Variants in RAD18 observed in about 807,000 individuals in gnomAD.
The protein encoded by RAD18 is RAD18 E3 ubiquitin protein ligase.
In RAD18, 47 loss-of-function variants were observed where a neutral mutation model predicts 60.4. That is an observed-to-expected ratio of 0.78 (90% CI 0.62 to 0.99). The LOEUF is 0.99. RAD18 is among the 50% of genes least tolerant of loss of function. The pLI, the probability that RAD18 is intolerant of heterozygous loss-of-function variation, is 0.00. For synonymous variants in RAD18, 225 were observed against 195.5 expected (o/e 1.15, Z -1.26); for missense variants, 640 against 593.3 (o/e 1.08, Z -0.82).
chr3:8,936,791 A>G (rs1940661060), intron 6 of RAD18, among the ~76,000 whole-genome samples: 2 of 152,214 alleles, frequency 1.3e-5, no homozygotes, highest in Admixed American at 6.5e-5. Context: ...TTTATTTAAA[A>G]CGCAGATTCT....
chr3:8,899,404 C>CA (rs1939859911), intron 10 of RAD18, among the ~76,000 whole-genome samples: 1 of 151,790 alleles, frequency 6.6e-6, no homozygotes, highest in African/African-American at 2.4e-5. Context: ...GAAGTATAAC[C>CA]AAAAAAAGAC....
chr3:8,963,002 A>G (rs1347799826), intron 1 of RAD18, among the ~76,000 whole-genome samples: 1 of 152,238 alleles, frequency 6.6e-6, no homozygotes, highest in Non-Finnish European at 1.5e-5. Flanking sequence ...TTAGTGCTTG[A>G]CACAAAGTAA....
At chr3:8,917,411 G>A (rs770763905) in intron 7 of RAD18, among the ~76,000 whole-genome samples, 17 of 152,124 alleles carry the variant, frequency 1.1e-4, no homozygotes, top group South Asian at 4.1e-4. Context: ...CTTTTTTCTC[G>A]TTTTTAACTA....
chr3:8,927,866 C>T (rs1487542509), intron 7 of RAD18, among the ~76,000 whole-genome samples: 1 of 150,000 alleles, frequency 6.7e-6, no homozygotes, highest in Non-Finnish European at 1.5e-5. Context: ...ACAATGACAA[C>T]ACTTGGACAC....
intron 7 of RAD18, among the ~76,000 whole-genome samples, chr3:8,935,164 C>T (rs1189069633): frequency 2.0e-5 from 3 of 152,108 alleles, no homozygotes; most frequent in African/African-American, 7.2e-5. Flanking sequence ...GATAATTCAC[C>T]AAACAATACA....
At chr3:8,885,684 G>T (rs1939548610) in intron 12 of RAD18, among the ~76,000 whole-genome samples, 1 of 152,206 alleles carries the variant, frequency 6.6e-6, no homozygotes, top group Non-Finnish European at 1.5e-5. Flanking sequence ...GATTTAGGGT[G>T]AATGTGTGGA....
intron 7 of RAD18, among the ~76,000 whole-genome samples, chr3:8,925,536 A>C (rs1158253106): frequency 6.6e-6 from 1 of 152,248 alleles, no homozygotes; most frequent in East Asian, 1.9e-4. Context: ...ATAGAAAAAA[A>C]GAGAATCCTC....
chr3:8,958,819 A>T (rs539824141), intron 2 of RAD18, 101 bp downstream of exon 2: 1 of 914,898 alleles, frequency 1.1e-6, no homozygotes, highest in African/African-American at 1.6e-5. Flanking sequence ...AGAAGAGCTA[A>T]AGGTGAAACA....
In RAD18 at chr3:8,934,202, CAA is replaced by C. The variant is rs45456492; in HGVS notation, c.889+1667_889+1668del. Among the ~76,000 whole-genome samples, 1,131 of 152,126 alleles carry C rather than the reference CAA, an allele frequency of 7.4e-3. 17 individuals carry two copies. Among genetic ancestry groups the C allele is most frequent in the African/African-American group, 0.026 (1,066 of 41,500 alleles). On this transcript the variant is annotated intron_variant, in intron 7 of 12. Coordinates refer to ENST00000264926, the MANE Select transcript of RAD18 (RefSeq NM_020165.4). ...AGAACAATAAAGTTTTAAAAGAAAA[CAA>C]GAGAAGATCCACATGATCTTGAAGT... is the stretch of plus-strand genomic sequence containing the variant.
At chr3:8,898,704 C>T (rs541025031) in intron 11 of RAD18, among the ~76,000 whole-genome samples, 190 bp downstream of exon 11, 1 of 152,260 alleles carries the variant, frequency 6.6e-6, no homozygotes, top group South Asian at 2.1e-4. Context: ...ACCCTGTGAT[C>T]CCTGCACTAC....
At chr3:8,905,146 G>A (rs1395476868) in intron 9 of RAD18, among the ~76,000 whole-genome samples, 1 of 152,224 alleles carries the variant, frequency 6.6e-6, no homozygotes, top group Non-Finnish European at 1.5e-5. Flanking sequence ...TCTCAGTTCT[G>A]GTGGGCATGT....
chr3:8,929,968 G>A (rs1235304839), intron 7 of RAD18, among the ~76,000 whole-genome samples: 2 of 152,140 alleles, frequency 1.3e-5, no homozygotes, highest in African/African-American at 2.4e-5. Flanking sequence ...CTTATACACT[G>A]CTAGTAGGAT....
At chr3:8,887,369 C>G (rs1939586544) in intron 12 of RAD18, among the ~76,000 whole-genome samples, 2 of 152,146 alleles carry the variant, frequency 1.3e-5, no homozygotes, top group African/African-American at 2.4e-5. Flanking sequence ...TCCTACCATT[C>G]ACTGAGAAGA....
chr3:8,960,065 T>G (rs1941071732), intron 1 of RAD18, among the ~76,000 whole-genome samples: 1 of 151,888 alleles, frequency 6.6e-6, no homozygotes, highest in Non-Finnish European at 1.5e-5. Context: ...CCTAGCACTT[T>G]GGGAGGCCAA....
At chr3:8,914,643 C>G (rs953426825) in intron 7 of RAD18, among the ~76,000 whole-genome samples, 3 of 152,064 alleles carry the variant, frequency 2.0e-5, no homozygotes, top group African/African-American at 7.3e-5. Flanking sequence ...TGAGAGGTAC[C>G]TTTTGCCTCC....
At chr3:8,948,464 T>C in intron 3 of RAD18, 45 bp downstream of exon 3, 1 of 1,517,620 alleles carries the variant, frequency 6.6e-7, no homozygotes, top group East Asian at 2.3e-5. Flanking sequence ...AGCAGAAATA[T>C]TTGCAGCAGT....
At chr3:8,904,530 C>A (rs1307828641) in intron 9 of RAD18, among the ~76,000 whole-genome samples, 1 of 152,070 alleles carries the variant, frequency 6.6e-6, no homozygotes, top group African/African-American at 2.4e-5. Flanking sequence ...AAAGTGTCAG[C>A]AAAAGAAATA....
chr3:8,892,655 CG>C (rs1227292241), intron 11 of RAD18, among the ~76,000 whole-genome samples: 2 of 152,134 alleles, frequency 1.3e-5, no homozygotes, highest in Admixed American at 1.3e-4. Context: ...CATTCTCTGA[CG>C]GAAAGTAGCA....
At chr3:8,922,530 G>A (rs1448592227) in intron 7 of RAD18, among the ~76,000 whole-genome samples, 37 of 152,232 alleles carry the variant, frequency 2.4e-4, no homozygotes, top group Non-Finnish European at 4.3e-4. Flanking sequence ...AACCTCTGCA[G>A]GCTTAAATGT....
Sources: gnomAD v4.1 joint callset for allele counts (sites outside exome capture counted in the v4.1 genomes callset) on GRCh38, gnomAD v4.1.1 for gene constraint, MANE v1.5 for transcripts, NCBI Gene and HGNC (gene_info 2026-07-23, HGNC 2026-07-21) for gene names.